The following THSD7B variants were observed in gnomAD, a reference collection of about 807,000 sequenced individuals.
The protein encoded by THSD7B is thrombospondin type-1 domain-containing protein 7B.
In THSD7B, 138 loss-of-function variants were observed where a neutral mutation model predicts 213.6. The observed-to-expected ratio is 0.65, with a 90% CI of 0.56 to 0.74. The LOEUF (loss-of-function observed/expected upper bound fraction) is 0.74, where lower values mean the gene tolerates loss of function less well. Ranked by LOEUF, THSD7B falls within the 30% of genes least tolerant of loss-of-function variation. The probability of loss-of-function intolerance (pLI) is 0.00; values close to 1 mark genes in which losing one functional copy is unlikely to be tolerated. For synonymous variants in THSD7B, 742 were observed against 687.0 expected (o/e 1.08, Z -1.25); for missense variants, 1,931 against 1,991.5 (o/e 0.97, Z 0.58).
At chr2:136,835,701 T>G (rs1682831397) in intron 1 of THSD7B, among the ~76,000 whole-genome samples, 3 of 152,212 alleles carry the variant, frequency 2.0e-5, no homozygotes, top group Admixed American at 1.3e-4. Flanking sequence ...ACTCTTGTAC[T>G]TCAGTTTCCT....
At chr2:137,335,644 C>T (rs2104900224) in intron 12 of THSD7B, among the ~76,000 whole-genome samples, 1 of 152,206 alleles carries the variant, frequency 6.6e-6, no homozygotes, top group East Asian at 1.9e-4. Context: ...CAGATTGGAA[C>T]CAGCTTAAGG....
At chr2:137,556,723 G>A (rs990908397) in intron 15 of THSD7B, among the ~76,000 whole-genome samples, 1 of 152,128 alleles carries the variant, frequency 6.6e-6, no homozygotes, top group Non-Finnish European at 1.5e-5. Flanking sequence ...TGGGCTAAAT[G>A]CTCCAATTAA....
At position 137,018,881 on chromosome 2, in the gene THSD7B, A is replaced by G. The variant is rs368742264; in HGVS notation, c.140-37539A>G. ...ATTGGCAGTTTCCTCTTGTTTTTAA[A>G]ACTCTACCCAGACTCTTTCCTCTGC... On this transcript the variant is annotated intron_variant, in intron 2 of 27. Coordinates refer to ENST00000409968, the MANE Select transcript of THSD7B (RefSeq NM_001316349.2). 6.6e-5 allele frequency among the ~76,000 whole-genome samples: 10 copies of G among 152,190 alleles called. No individual in the cohort carries two copies. In the East Asian group the frequency reaches 7.7e-4, roughly 12 times the overall value.
intron 15 of THSD7B, among the ~76,000 whole-genome samples, chr2:137,501,254 T>C (rs1257706608): frequency 2.0e-5 from 3 of 152,134 alleles, no homozygotes; most frequent in African/African-American, 7.2e-5. Flanking sequence ...ATTATTCACA[T>C]AGTGAAAAGA....
chr2:137,342,554 T>A (rs1051349914), intron 12 of THSD7B, among the ~76,000 whole-genome samples: 1 of 151,714 alleles, frequency 6.6e-6, no homozygotes, highest in Non-Finnish European at 1.5e-5. Context: ...CTGTGTTACA[T>A]AGAAGTTGCT....
intron 25 of THSD7B, 36 bp downstream of exon 25, chr2:137,659,782 A>C: frequency 6.4e-7 from 1 of 1,557,872 alleles, no homozygotes; most frequent in Non-Finnish European, 8.7e-7. Flanking sequence ...TAAGTGCATT[A>C]ATTGCTGTGT....
intron 17 of THSD7B, among the ~76,000 whole-genome samples, chr2:137,590,699 A>G (rs934128920): frequency 1.3e-5 from 2 of 150,636 alleles, no homozygotes; most frequent in African/African-American, 4.9e-5. Context: ...ATGATTTATA[A>G]TTTCCTTTTT....
intron 12 of THSD7B, among the ~76,000 whole-genome samples, chr2:137,314,800 C>T (rs1684040763): frequency 6.6e-6 from 1 of 152,196 alleles, no homozygotes; most frequent in Admixed American, 6.5e-5. Flanking sequence ...CTGGGGGTTG[C>T]CTCCCAGTTA....
chr2:136,797,100 G>T (rs1180998323), intron 1 of THSD7B, among the ~76,000 whole-genome samples: 1 of 151,602 alleles, frequency 6.6e-6, no homozygotes, highest in African/African-American at 2.4e-5. Context: ...TTTTTTTATA[G>T]AAACCAAATT....
chr2:137,155,463 T>C (rs1370767227), intron 5 of THSD7B, among the ~76,000 whole-genome samples: 1 of 152,036 alleles, frequency 6.6e-6, no homozygotes, highest in Non-Finnish European at 1.5e-5. Flanking sequence ...GGAGTGCAGG[T>C]GAATAGAAAA....
intron 3 of THSD7B, among the ~76,000 whole-genome samples, chr2:137,088,396 CA>C (rs1386682574): frequency 6.6e-6 from 1 of 151,834 alleles, no homozygotes; most frequent in African/African-American, 2.4e-5. Context: ...CCCTTTTAAA[CA>C]AATGGTACTG....
intron 2 of THSD7B, among the ~76,000 whole-genome samples, chr2:136,930,972 C>A (rs188284046): frequency 6.6e-6 from 1 of 152,234 alleles, no homozygotes; most frequent in African/African-American, 2.4e-5. Context: ...GACTATTTAT[C>A]TCAGTCTGGG....
intron 10 of THSD7B, among the ~76,000 whole-genome samples, chr2:137,251,613 G>A (rs1682179122): frequency 6.6e-6 from 1 of 152,128 alleles, no homozygotes; most frequent in Non-Finnish European, 1.5e-5. Flanking sequence ...GCAAAATTGT[G>A]GTCATGTGCA....
intron 1 of THSD7B, among the ~76,000 whole-genome samples, chr2:136,835,961 T>C (rs1453683898): frequency 2.6e-5 from 4 of 152,114 alleles, no homozygotes; most frequent in African/African-American, 9.7e-5. Flanking sequence ...CTCATCAAAG[T>C]TATTTAGGAA....
chr2:137,584,271 A>G (rs947596164), intron 17 of THSD7B, among the ~76,000 whole-genome samples: 2 of 152,232 alleles, frequency 1.3e-5, no homozygotes, highest in African/African-American at 2.4e-5. Flanking sequence ...ATATACAATC[A>G]TGTCATCTGC....
chr2:137,162,209 A>G (rs1339165452), intron 6 of THSD7B, among the ~76,000 whole-genome samples: 2 of 152,114 alleles, frequency 1.3e-5, no homozygotes, highest in African/African-American at 4.8e-5. Context: ...CTTGTTTTCT[A>G]ATTCTTTCTT....
intron 20 of THSD7B, among the ~76,000 whole-genome samples, chr2:137,624,601 T>G (rs527920881): frequency 1.4e-4 from 21 of 149,474 alleles, no homozygotes; most frequent in Non-Finnish European, 2.8e-4. Context: ...ATCCAGAATC[T>G]ACAAAGAACT....
At chr2:137,503,465 A>T in intron 15 of THSD7B, among the ~76,000 whole-genome samples, 1 of 151,634 alleles carries the variant, frequency 6.6e-6, no homozygotes, top group African/African-American at 2.4e-5. Context: ...GGACAGAGAC[A>T]TGAGAAAGAA....
chr2:137,120,083 C>T (rs1171438066), intron 5 of THSD7B, among the ~76,000 whole-genome samples: 2 of 152,064 alleles, frequency 1.3e-5, no homozygotes, highest in African/African-American at 2.4e-5. Flanking sequence ...GGGCTTATAG[C>T]ATTTTCTCTT....
Sources: gnomAD v4.1 joint callset for allele counts (sites outside exome capture counted in the v4.1 genomes callset) on GRCh38, gnomAD v4.1.1 for gene constraint, MANE v1.5 for transcripts, NCBI Gene and HGNC (gene_info 2026-07-23, HGNC 2026-07-21) for gene names.